KCND2: variants seen among roughly 807,000 people sequenced by gnomAD.
KCND2 encodes the protein potassium voltage-gated channel subfamily D member 2.
A neutral mutation model predicts 54.4 loss-of-function variants in KCND2; 16 were observed. That is an observed-to-expected ratio of 0.29 (90% CI 0.20 to 0.45). The LOEUF is 0.45. Ranked by LOEUF, KCND2 falls within the 20% of genes least tolerant of loss-of-function variation. KCND2 has a pLI of 1.00. For synonymous variants in KCND2, 317 were observed against 310.7 expected (o/e 1.02, Z -0.21); for missense variants, 486 against 824.2 (o/e 0.59, Z 5.02).
At chr7:120,682,134 C>G (rs546503999) in intron 1 of KCND2, among the ~76,000 whole-genome samples, 1 of 152,082 alleles carries the variant, frequency 6.6e-6, no homozygotes, top group Admixed American at 6.6e-5. Context: ...TTGATCAATG[C>G]AATAGTAAAC....
chr7:120,502,089 A>C (rs1233256373), intron 1 of KCND2, among the ~76,000 whole-genome samples: 1 of 152,074 alleles, frequency 6.6e-6, no homozygotes, highest in African/African-American at 2.4e-5. Flanking sequence ...CAGTGGAAAG[A>C]GTTCTCTAGC....
At chr7:120,509,011 G>A (rs1322099407) in intron 1 of KCND2, among the ~76,000 whole-genome samples, 2 of 151,202 alleles carry the variant, frequency 1.3e-5, no homozygotes, top group Non-Finnish European at 2.9e-5. Flanking sequence ...AAACGTATTT[G>A]TGAATATGCA....
chr7:120,667,387 A>G (rs977372988), intron 1 of KCND2, among the ~76,000 whole-genome samples: 20 of 152,054 alleles, frequency 1.3e-4, no homozygotes, highest in African/African-American at 4.3e-4. Flanking sequence ...GCAGCCATCC[A>G]GGGATCAAGG....
At chr7:120,365,936 A>T (rs1021578298) in intron 1 of KCND2, among the ~76,000 whole-genome samples, 4 of 152,182 alleles carry the variant, frequency 2.6e-5, no homozygotes, top group Non-Finnish European at 4.4e-5. Flanking sequence ...ATAGACATTT[A>T]AAAATATTAT....
At chr7:120,541,057 A>G (rs925089130) in intron 1 of KCND2, among the ~76,000 whole-genome samples, 2 of 152,180 alleles carry the variant, frequency 1.3e-5, no homozygotes, top group African/African-American at 2.4e-5. Context: ...ACCCTAGCCC[A>G]TGCTCTATTT....
chr7:120,381,665 G>A (rs1474868920), intron 1 of KCND2, among the ~76,000 whole-genome samples: 1 of 152,052 alleles, frequency 6.6e-6, no homozygotes, highest in Non-Finnish European at 1.5e-5. Context: ...TATCCTCAGA[G>A]AGAAGTAAGA....
intron 1 of KCND2, among the ~76,000 whole-genome samples, chr7:120,505,013 G>T (rs1802993388): frequency 6.6e-6 from 1 of 151,584 alleles, no homozygotes; most frequent in Non-Finnish European, 1.5e-5. Flanking sequence ...CCAAACTCTG[G>T]TTAATATTTT....
intron 1 of KCND2, among the ~76,000 whole-genome samples, chr7:120,709,681 CCTT>C (rs565736520): frequency 4.5e-4 from 69 of 152,252 alleles, no homozygotes; most frequent in African/African-American, 1.4e-3. Context: ...GAATGCCAGA[CCTT>C]CTTTATATGT....
intron 1 of KCND2, among the ~76,000 whole-genome samples, chr7:120,301,161 T>C (rs1168571278): frequency 6.6e-6 from 1 of 152,118 alleles, no homozygotes; most frequent in East Asian, 1.9e-4. Flanking sequence ...ATGGGCCAAA[T>C]GTTGTTTTAA....
At chr7:120,606,447 A>G (rs924688427) in intron 1 of KCND2, among the ~76,000 whole-genome samples, 5 of 152,058 alleles carry the variant, frequency 3.3e-5, no homozygotes, top group African/African-American at 1.2e-4. Context: ...CTAACAAATC[A>G]TTGTTTAATA....
intron 1 of KCND2, among the ~76,000 whole-genome samples, chr7:120,518,947 CAGAG>C (rs1021991879): frequency 6.6e-6 from 1 of 152,016 alleles, no homozygotes. Context: ...AGAGAGGAAA[CAGAG>C]AGAAAGTATG....
In KCND2 at chr7:120,701,240, TAAAAAAAAAAAAAAAAAAAA is replaced by T. The variant is rs34803439; in HGVS notation, c.1116-31646_1116-31627del. 8.3e-4 allele frequency among the ~76,000 whole-genome samples: 46 copies of T among 55,146 alleles called. 1 individual carries two copies. The highest frequency in any genetic ancestry group is 4.7e-3 in the East Asian group (9 of 1,916). The allele number at this position is 55,146 out of a possible 152,430, so 36.2% of individuals were successfully genotyped here. On this transcript the variant is annotated intron_variant, in intron 1 of 5. Transcript: ENST00000331113. ...TAGTTGAATGGCTGTAATGCCTAGC[TAAAAAAAAAAAAAAAAAAAA>T]AAAAAAAAAAAAAAAATTAGAATTC...
intron 1 of KCND2, among the ~76,000 whole-genome samples, chr7:120,487,716 T>G (rs1802714863): frequency 6.6e-6 from 1 of 152,178 alleles, no homozygotes; most frequent in African/African-American, 2.4e-5. Flanking sequence ...CTAGTTAGTA[T>G]TTGGACACAT....
At chr7:120,739,829 A>ACACG (rs1554393539) in intron 2 of KCND2, among the ~76,000 whole-genome samples, 1 of 149,728 alleles carries the variant, frequency 6.7e-6, no homozygotes, top group Non-Finnish European at 1.5e-5. Flanking sequence ...ACACACACAC[A>ACACG]CACGCACTCC....
intron 1 of KCND2, among the ~76,000 whole-genome samples, chr7:120,321,019 G>A (rs1799887426): frequency 1.3e-5 from 2 of 152,110 alleles, no homozygotes; most frequent in Non-Finnish European, 2.9e-5. Flanking sequence ...GTGTTTGACA[G>A]TGCCCAATTC....
chr7:120,538,614 C>T (rs1791940890), intron 1 of KCND2, among the ~76,000 whole-genome samples: 1 of 152,124 alleles, frequency 6.6e-6, no homozygotes, highest in African/African-American at 2.4e-5. Flanking sequence ...GGCAGCTGGG[C>T]TTTTGATGTA....
At chr7:120,452,116 A>G (rs896778015) in intron 1 of KCND2, among the ~76,000 whole-genome samples, 2 of 152,248 alleles carry the variant, frequency 1.3e-5, no homozygotes, top group Admixed American at 6.5e-5. Flanking sequence ...TGAGAATATA[A>G]TGGAAACATA....
At chr7:120,525,033 A>G (rs781707689) in intron 1 of KCND2, among the ~76,000 whole-genome samples, 16 of 152,138 alleles carry the variant, frequency 1.1e-4, no homozygotes, top group Non-Finnish European at 2.1e-4. Flanking sequence ...TTAGTGAGTT[A>G]TTATTATGGT....
At chr7:120,485,724 A>G (rs1291796682) in intron 1 of KCND2, among the ~76,000 whole-genome samples, 1 of 152,206 alleles carries the variant, frequency 6.6e-6, no homozygotes, top group Non-Finnish European at 1.5e-5. Context: ...CTAAAATATT[A>G]ACTTTCAGAC....
Sources: allele counts gnomAD v4.1 joint callset (sites outside exome capture counted in the v4.1 genomes callset), GRCh38; gene constraint gnomAD v4.1.1; transcripts MANE v1.5; gene names NCBI Gene and HGNC (gene_info 2026-07-23, HGNC 2026-07-21).